ZNF385D: variants seen among roughly 807,000 people sequenced by gnomAD.
ZNF385D encodes the protein zinc finger protein 385D, also known as zinc finger protein 659.
ZNF385D carries 15 observed loss-of-function variants against 35.8 expected under a neutral mutation model. The ratio of observed to expected loss-of-function variants is 0.42; its 90% confidence interval spans 0.28 to 0.64. The LOEUF is 0.64. Ranked by LOEUF, ZNF385D falls within the 30% of genes least tolerant of loss-of-function variation. ZNF385D has a pLI of 0.23. For synonymous variants in ZNF385D, 212 were observed against 186.8 expected, an observed-to-expected ratio of 1.13 and a Z score of -1.10; for missense variants, 474 against 494.6, an observed-to-expected ratio of 0.96 and a Z score of 0.39.
intron 3 of ZNF385D, among the ~76,000 whole-genome samples, chr3:21,784,575 G>A (rs1228562858): frequency 6.6e-6 from 1 of 151,942 alleles, no homozygotes; most frequent in Non-Finnish European, 1.5e-5. Context: ...GTAAGGAACT[G>A]CACTTGGACA....
intron 2 of ZNF385D, among the ~76,000 whole-genome samples, chr3:22,316,629 T>C (rs1703903220): frequency 6.6e-6 from 1 of 152,172 alleles, no homozygotes; most frequent in Non-Finnish European, 1.5e-5. Context: ...CTTAATGATT[T>C]TGAGCAACTT....
At chr3:22,277,222 G>C (rs868460062) in intron 2 of ZNF385D, among the ~76,000 whole-genome samples, 16 of 152,134 alleles carry the variant, frequency 1.1e-4, no homozygotes, top group African/African-American at 3.4e-4. Flanking sequence ...GGTGAGAGAA[G>C]CAGAGCTGTG....
At chr3:21,444,301 T>G (rs1314136968) in intron 4 of ZNF385D, among the ~76,000 whole-genome samples, 1 of 151,420 alleles carries the variant, frequency 6.6e-6, no homozygotes, top group Non-Finnish European at 1.5e-5. Flanking sequence ...AGGCTGGTCT[T>G]GAACTCCTGA....
At chr3:22,179,190 C>T (rs1695046668) in intron 2 of ZNF385D, among the ~76,000 whole-genome samples, 1 of 152,130 alleles carries the variant, frequency 6.6e-6, no homozygotes, top group Non-Finnish European at 1.5e-5. Context: ...TGGCCATTTT[C>T]ACGATATTGA....
chr3:21,511,590 G>A (rs1366981078), intron 3 of ZNF385D: 2 of 424,684 alleles, frequency 4.7e-6, no homozygotes, highest in Non-Finnish European at 9.4e-6. Flanking sequence ...CAGAAGCCGG[G>A]CAATTTCAGA....
intron 1 of ZNF385D, among the ~76,000 whole-genome samples, chr3:21,705,247 C>T (rs919314309): frequency 1.3e-5 from 2 of 152,138 alleles, no homozygotes; most frequent in Non-Finnish European, 2.9e-5. Flanking sequence ...ACCCAAATCC[C>T]TGCTTAATAA....
At chr3:21,596,999 G>C (rs1027751200) in intron 2 of ZNF385D, among the ~76,000 whole-genome samples, 1 of 151,972 alleles carries the variant, frequency 6.6e-6, no homozygotes, top group Non-Finnish European at 1.5e-5. Flanking sequence ...TGAAGAAGTT[G>C]CAAGACAGAA....
intron 3 of ZNF385D, among the ~76,000 whole-genome samples, chr3:21,886,253 T>C (rs1163393724): frequency 1.3e-5 from 2 of 152,120 alleles, no homozygotes; most frequent in Non-Finnish European, 2.9e-5. Flanking sequence ...TAAGCCTGGA[T>C]GATGGAAGAA....
At chr3:21,971,408 A>C (rs1703248872) in intron 3 of ZNF385D, among the ~76,000 whole-genome samples, 1 of 151,976 alleles carries the variant, frequency 6.6e-6, no homozygotes, top group Non-Finnish European at 1.5e-5. Flanking sequence ...AGTTGTCATC[A>C]GTTTAAAATC....
At chr3:21,604,249 G>C (rs992971754) in intron 2 of ZNF385D, among the ~76,000 whole-genome samples, 1 of 152,054 alleles carries the variant, frequency 6.6e-6, no homozygotes, top group Non-Finnish European at 1.5e-5. Flanking sequence ...TTAACAGAGA[G>C]TCTGCTCTGT....
intron 3 of ZNF385D, among the ~76,000 whole-genome samples, chr3:21,821,803 T>G (rs77105498): frequency 0.1 from 15,811 of 151,622 alleles, 1,100 homozygotes; most frequent in Non-Finnish European, 0.15. Flanking sequence ...TCTACAAAAT[T>G]TTTTTTAAAT....
chr3:21,941,189 G>A (rs1701498140), intron 3 of ZNF385D, among the ~76,000 whole-genome samples: 1 of 152,106 alleles, frequency 6.6e-6, no homozygotes, highest in Non-Finnish European at 1.5e-5. Flanking sequence ...AAATATTTGG[G>A]TTCAAAGCTT....
At chr3:21,725,310 G>A (rs183201276) in intron 1 of ZNF385D, among the ~76,000 whole-genome samples, 2 of 152,216 alleles carry the variant, frequency 1.3e-5, no homozygotes, top group East Asian at 3.9e-4. Flanking sequence ...AAAGCCAGCA[G>A]AAGGCAAGAA....
intron 1 of ZNF385D, among the ~76,000 whole-genome samples, chr3:21,728,199 G>A (rs2068846165): frequency 6.6e-6 from 1 of 151,842 alleles, no homozygotes; most frequent in Admixed American, 6.6e-5. Flanking sequence ...ACGGGTTGAT[G>A]GGTGCAGCAA....
chr3:22,274,131 T>C (rs1450370658), intron 2 of ZNF385D, among the ~76,000 whole-genome samples: 1 of 151,852 alleles, frequency 6.6e-6, no homozygotes, highest in African/African-American at 2.4e-5. Context: ...ACATCTAAAG[T>C]AGATTTTTTA....
chr3:21,774,499 A>G (rs761445465), intron 3 of ZNF385D, among the ~76,000 whole-genome samples: 2 of 151,926 alleles, frequency 1.3e-5, no homozygotes, highest in African/African-American at 4.8e-5. Context: ...ATGGAGGCCA[A>G]TGGGATGCTC....
At chr3:22,349,207 A>T (rs909388050) in intron 2 of ZNF385D, among the ~76,000 whole-genome samples, 3 of 152,216 alleles carry the variant, frequency 2.0e-5, no homozygotes, top group African/African-American at 7.2e-5. Flanking sequence ...TTTCAGAATT[A>T]AATGAGCCCA....
intron 2 of ZNF385D, among the ~76,000 whole-genome samples, chr3:22,293,499 A>G (rs1262082795): frequency 6.6e-6 from 1 of 152,086 alleles, no homozygotes; most frequent in African/African-American, 2.4e-5. Context: ...CCCTCTAGCA[A>G]TACTCTCCTT....
chr3:21,686,770 T>C (rs1251772954), intron 1 of ZNF385D, among the ~76,000 whole-genome samples: 1 of 152,232 alleles, frequency 6.6e-6, no homozygotes, highest in African/African-American at 2.4e-5. Flanking sequence ...TTTTAAGGAA[T>C]ATTATTTTCA....
Sources: gnomAD v4.1 joint callset for allele counts (sites outside exome capture counted in the v4.1 genomes callset) on GRCh38, gnomAD v4.1.1 for gene constraint, MANE v1.5 for transcripts, NCBI Gene and HGNC (gene_info 2026-07-23, HGNC 2026-07-21) for gene names.